Variants in KCMF1 observed in about 807,000 individuals in gnomAD.
KCMF1 encodes the protein potassium channel modulatory factor 1.
KCMF1 carries 3 observed loss-of-function variants against 41.1 expected under a neutral mutation model. The ratio of observed to expected loss-of-function variants is 0.07; its 90% CI spans 0.03 to 0.19. The LOEUF is 0.19. Among genes scored for constraint, KCMF1 ranks in the 10% least tolerant of loss-of-function variants. The probability of loss-of-function intolerance (pLI) is 1.00; values close to 1 mark genes in which losing one functional copy is unlikely to be tolerated. For missense variants in KCMF1, 286 were observed against 488.9 expected (o/e 0.58, Z 3.91); for synonymous variants, 142 against 164.5 (o/e 0.86, Z 1.04).
rs1315019985 is a variant in KCMF1, at chr2:84,971,340, A to T, written c.-112A>T. ...CCTGCCCACCCCGCCCCCGCGGCCG[A>T]GCCCGGGAGTCGAGTGGGAGTCGGC... is the stretch of plus-strand genomic sequence containing the variant. On this transcript the variant is annotated 5_prime_UTR_variant, in exon 1 of 7. Transcript: ENST00000409785. 6 of 463,948 alleles carry T rather than the reference A, an allele frequency of 1.3e-5. No homozygotes were observed. Among genetic ancestry groups the T allele is most frequent in the Non-Finnish European group, 1.7e-5 (6 of 349,974 alleles). 28.7% of individuals were successfully genotyped at this position (463,948 alleles called of 1,614,324 possible).
chr2:84,978,099 G>T (rs1205030689), intron 1 of KCMF1, among the ~76,000 whole-genome samples: 1 of 151,868 alleles, frequency 6.6e-6, no homozygotes, highest in East Asian at 1.9e-4. Context: ...CCAGGTTCAA[G>T]TGATTCTCCT....
chr2:85,008,277 AAT>A (rs1157535717), intron 1 of KCMF1, among the ~76,000 whole-genome samples: 33 of 91,384 alleles, frequency 3.6e-4, no homozygotes, highest in Non-Finnish European at 5.4e-4. Flanking sequence ...TATAATATAT[AAT>A]ATGATATATA....
At chr2:85,029,575 G>A (rs183178371) in intron 2 of KCMF1, among the ~76,000 whole-genome samples, 14 of 149,750 alleles carry the variant, frequency 9.3e-5, no homozygotes, top group African/African-American at 3.4e-4. Flanking sequence ...TTCCGGCCTG[G>A]CCAACAAAGC....
chr2:84,999,399 C>T (rs1674274067), intron 1 of KCMF1, among the ~76,000 whole-genome samples: 1 of 152,114 alleles, frequency 6.6e-6, no homozygotes, highest in Admixed American at 6.6e-5. Flanking sequence ...GATCTGCCTG[C>T]CTCGGCCTCT....
intron 1 of KCMF1, among the ~76,000 whole-genome samples, chr2:84,979,635 G>C (rs552933058): frequency 2.0e-5 from 3 of 151,932 alleles, no homozygotes; most frequent in Non-Finnish European, 4.4e-5. Context: ...AAAGTAGAAT[G>C]CTGTTCCTAA....
At chr2:85,016,356 C>T (rs542418010) in intron 1 of KCMF1, among the ~76,000 whole-genome samples, 20 of 152,044 alleles carry the variant, frequency 1.3e-4, no homozygotes, top group East Asian at 3.9e-4. Flanking sequence ...TAAAAATATG[C>T]GTATATAGAG....
chr2:85,050,109 A>G (rs1675772417), intron 6 of KCMF1, among the ~76,000 whole-genome samples: 1 of 152,172 alleles, frequency 6.6e-6, no homozygotes, highest in Non-Finnish European at 1.5e-5. Context: ...AGATTGCACC[A>G]TGCACTCCAG....
chr2:84,974,163 C>G (rs527522976), intron 1 of KCMF1, among the ~76,000 whole-genome samples: 110 of 152,296 alleles, frequency 7.2e-4, no homozygotes, highest in Non-Finnish European at 1.2e-3. Context: ...TTTGCACTCT[C>G]AGTCATCTGT....
At chr2:85,008,293 T>TATATC (rs1553379316) in intron 1 of KCMF1, among the ~76,000 whole-genome samples, 2 of 92,392 alleles carry the variant, frequency 2.2e-5, no homozygotes, top group South Asian at 2.8e-4. Flanking sequence ...ATATATAATA[T>TATATC]ATATAATATA....
At position 85,027,881 on chromosome 2, in the gene KCMF1, T is replaced by C. The variant is rs1174143185; in HGVS notation, c.17-8T>C. The C allele has an allele frequency of 2.5e-6, 4 of 1,577,020 alleles. No individual in the cohort carries two copies. Among genetic ancestry groups the C allele is most frequent in the African/African-American group, 2.7e-5 (2 of 73,228 alleles). ...ACTGGTAACTAAAGATATTTCTTTT[T>C]TTTATAGGTGTCAGCTGTGATGCAT... On this transcript the variant is annotated splice_polypyrimidine_tract_variant and splice_region_variant and intron_variant, in intron 1 of 6. Coordinates refer to ENST00000409785, the MANE Select transcript of KCMF1 (RefSeq NM_020122.5).
chr2:84,973,821 C>CTTTCTTTTTTTTTTTTTTTTTTTTTTTTT (rs1673461429), intron 1 of KCMF1, among the ~76,000 whole-genome samples: 1 of 135,836 alleles, frequency 7.4e-6, no homozygotes, highest in Non-Finnish European at 1.6e-5. Context: ...TTCTTTATTT[C>CTTTCTTTTTTTTTTTTTTTTTTTTTTTTT]TTTCTTTTTT....
At chr2:84,974,689 ATATTTTTTTTTTT>A (rs1457274657) in intron 1 of KCMF1, among the ~76,000 whole-genome samples, 8 of 28,304 alleles carry the variant, frequency 2.8e-4, no homozygotes, top group African/African-American at 1.4e-3. Context: ...ATATATATAT[ATATTTTTTTTTTT>A]TTTTTTTTTT....
chr2:85,000,954 G>GTTTGT (rs1220613905), intron 1 of KCMF1, among the ~76,000 whole-genome samples: 11 of 148,918 alleles, frequency 7.4e-5, no homozygotes, highest in East Asian at 4.0e-4. Flanking sequence ...AAAGTTTTGG[G>GTTTGT]TTTGTTTTGT....
rs932268428 is a variant in KCMF1 at position 85,056,600 on chromosome 2, TAG to T, written c.*3196_*3197del. On this transcript the variant is annotated 3_prime_UTR_variant, in exon 7 of 7. Transcript: ENST00000409785. The stretch of plus-strand genomic sequence containing the variant: ...GGGTTGGGGGGTAGAAGGAGAATAC[TAG>T]AGAGGTTACGGTAGCAGGTGGCTGC... 2.0e-5 allele frequency: 3 copies of T among 152,202 alleles called. No homozygotes were observed. The highest frequency in any genetic ancestry group is 4.4e-5 in the Non-Finnish European group (3 of 68,066). The allele number at this position is 152,202 out of a possible 1,614,324, so 9.4% of individuals were successfully genotyped here.
chr2:85,008,471 T>C (rs1013335986), intron 1 of KCMF1, among the ~76,000 whole-genome samples: 9 of 131,678 alleles, frequency 6.8e-5, no homozygotes, highest in African/African-American at 1.9e-4. Context: ...TTACATGATA[T>C]ATATCTCATA....
At chr2:84,987,031 A>G (rs1376738649) in intron 1 of KCMF1, among the ~76,000 whole-genome samples, 1 of 152,242 alleles carries the variant, frequency 6.6e-6, no homozygotes, top group African/African-American at 2.4e-5. Flanking sequence ...GCTACTCTCT[A>G]AGGCCTTTGT....
chr2:85,008,321 C>CATATATAATATAATATGATATATA (rs1558573485), intron 1 of KCMF1, among the ~76,000 whole-genome samples: 39 of 43,950 alleles, frequency 8.9e-4, no homozygotes, highest in African/African-American at 3.6e-3. Context: ...ATATATATAT[C>CATATATAATATAATATGATATATA]ATATATAATA....
Position 84,979,354 on chromosome 2 carries a change from C to G in KCMF1, c.16+7887C>G, listed in dbSNP as rs1044505057. Among the ~76,000 whole-genome samples, 3 of 152,064 alleles carry G rather than the reference C, an allele frequency of 2.0e-5. No individual in the cohort carries two copies. The East Asian group carries it at 5.8e-4, about 29-fold the overall frequency. Reference sequence around the variant, plus strand: ...CCTGGCCAACATAGTGAAACCCCATCTGTACTAAAAATACAAAAAAATATC... The same window carrying G: ...CCTGGCCAACATAGTGAAACCCCATGTGTACTAAAAATACAAAAAAATATC... On this transcript the variant is annotated intron_variant, in intron 1 of 6. Transcript: ENST00000409785.
intron 1 of KCMF1, among the ~76,000 whole-genome samples, chr2:85,005,788 G>T (rs1317586723): frequency 1.3e-5 from 2 of 151,976 alleles, no homozygotes; most frequent in Non-Finnish European, 2.9e-5. Flanking sequence ...GGGATTATAG[G>T]CATAAGCCAC....
Sources: gnomAD v4.1 joint callset for allele counts (sites outside exome capture counted in the v4.1 genomes callset) on GRCh38, gnomAD v4.1.1 for gene constraint, MANE v1.5 for transcripts, NCBI Gene and HGNC (gene_info 2026-07-23, HGNC 2026-07-21) for gene names.